The following NLGN1 variants were observed in gnomAD, a reference collection of about 807,000 sequenced individuals.
The protein encoded by NLGN1 is neuroligin-1.
NLGN1 carries 12 observed loss-of-function variants against 65.5 expected under a neutral mutation model. The ratio of observed to expected loss-of-function variants is 0.18; its 90% CI spans 0.12 to 0.30. NLGN1 has a LOEUF of 0.30. Among genes scored for constraint, NLGN1 ranks in the 10% least tolerant of loss-of-function variants. The probability of loss-of-function intolerance (pLI) is 1.00; values close to 1 mark genes in which losing one functional copy is unlikely to be tolerated. For missense variants in NLGN1, 750 were observed against 1,007.1 expected, an observed-to-expected ratio of 0.74 and a Z score of 3.46; for synonymous variants, 350 against 359.5, an observed-to-expected ratio of 0.97 and a Z score of 0.30.
At chr3:173,408,874 T>C (rs781180266) in intron 1 of NLGN1, among the ~76,000 whole-genome samples, 9 of 144,452 alleles carry the variant, frequency 6.2e-5, no homozygotes, top group East Asian at 2.0e-4. Flanking sequence ...ATTGTGCCAC[T>C]GCACTCCAGC....
chr3:173,669,982 G>C (rs1279302190), intron 3 of NLGN1, among the ~76,000 whole-genome samples: 2 of 152,076 alleles, frequency 1.3e-5, no homozygotes, highest in Admixed American at 1.3e-4. Flanking sequence ...AACTTTGTAA[G>C]GAATATGCAT....
At chr3:174,079,371 A>C (rs1030510009) in intron 4 of NLGN1, among the ~76,000 whole-genome samples, 2 of 152,052 alleles carry the variant, frequency 1.3e-5, no homozygotes, top group Non-Finnish European at 2.9e-5. Context: ...TGGTTAAAGA[A>C]ATTTAAAAGT....
chr3:174,273,776 G>T (rs751767792), intron 4 of NLGN1, among the ~76,000 whole-genome samples: 25 of 151,504 alleles, frequency 1.7e-4, no homozygotes, highest in Non-Finnish European at 3.5e-4. Context: ...TAGAATTTTT[G>T]ATCTTGTAGG....
chr3:174,121,023 C>A (rs992694213), intron 4 of NLGN1, among the ~76,000 whole-genome samples: 1 of 152,140 alleles, frequency 6.6e-6, no homozygotes, highest in Non-Finnish European at 1.5e-5. Flanking sequence ...TAGTAGTCTG[C>A]AGCTTTCAAA....
At chr3:173,819,751 T>G (rs1226679311) in intron 4 of NLGN1, among the ~76,000 whole-genome samples, 1 of 152,150 alleles carries the variant, frequency 6.6e-6, no homozygotes, top group Admixed American at 6.5e-5. Flanking sequence ...ACCACCCAAA[T>G]TAAAAAATAT....
chr3:174,140,463 T>G (rs1313212352), intron 4 of NLGN1, among the ~76,000 whole-genome samples: 2 of 152,170 alleles, frequency 1.3e-5, no homozygotes, highest in African/African-American at 4.8e-5. Context: ...ATATGAATTA[T>G]TTTATTCAGT....
At chr3:173,840,952 C>T (rs1392038952) in intron 4 of NLGN1, among the ~76,000 whole-genome samples, 1 of 152,166 alleles carries the variant, frequency 6.6e-6, no homozygotes, top group African/African-American at 2.4e-5. Flanking sequence ...TGTACAACCT[C>T]ATTTCTTCCA....
intron 4 of NLGN1, among the ~76,000 whole-genome samples, chr3:174,106,046 A>G (rs922006837): frequency 5.3e-5 from 8 of 152,166 alleles, no homozygotes; most frequent in Non-Finnish European, 8.8e-5. Flanking sequence ...TACACGAAAC[A>G]TCTTATTCAA....
chr3:173,721,696 A>G (rs1031149956), intron 3 of NLGN1, among the ~76,000 whole-genome samples: 11 of 152,210 alleles, frequency 7.2e-5, no homozygotes, highest in Non-Finnish European at 8.8e-5. Context: ...GACTGGAGAT[A>G]GTAGGGAGTT....
intron 4 of NLGN1, among the ~76,000 whole-genome samples, chr3:174,135,213 T>G (rs1472609258): frequency 6.6e-6 from 1 of 152,182 alleles, no homozygotes; most frequent in Non-Finnish European, 1.5e-5. Context: ...AATCTTTATT[T>G]TAAATAGTTT....
At chr3:173,402,196 A>G (rs1026476017) in intron 1 of NLGN1, among the ~76,000 whole-genome samples, 2 of 152,172 alleles carry the variant, frequency 1.3e-5, no homozygotes, top group African/African-American at 4.8e-5. Flanking sequence ...AGCATGGACT[A>G]TAGTAACTTT....
At chr3:173,451,828 A>G (rs2148849557) in intron 2 of NLGN1, among the ~76,000 whole-genome samples, 1 of 152,312 alleles carries the variant, frequency 6.6e-6, no homozygotes, top group African/African-American at 2.4e-5. Context: ...TAGCATGAGC[A>G]AGGCTCCGTG....
intron 4 of NLGN1, among the ~76,000 whole-genome samples, chr3:173,911,321 A>C (rs1164713032): frequency 6.6e-6 from 1 of 152,206 alleles, no homozygotes; most frequent in Non-Finnish European, 1.5e-5. Context: ...AGGTGAAATA[A>C]ATCTACGTTA....
chr3:173,823,325 A>C (rs1720685940), intron 4 of NLGN1, among the ~76,000 whole-genome samples: 1 of 152,126 alleles, frequency 6.6e-6, no homozygotes, highest in Admixed American at 6.6e-5. Context: ...ACCATGTTAG[A>C]GAAAAGTAAG....
In NLGN1 at chr3:174,044,003, G is replaced by T. The variant is rs116176559; in HGVS notation, c.647-231312G>T. On this transcript the variant is annotated intron_variant, in intron 4 of 6. Coordinates refer to ENST00000457714, the Ensembl canonical transcript of NLGN1. ...TCCCAAACCTCAATTCTTCACTTCT[G>T]CACACCTGCAAACTTAACACCATGA... is the stretch of plus-strand genomic sequence containing the variant. Among the ~76,000 whole-genome samples, 1,163 of 152,282 alleles carry T rather than the reference G, an allele frequency of 7.6e-3. 11 individuals are homozygous for T. The highest frequency in any genetic ancestry group is 0.013 in the Non-Finnish European group (912 of 68,014).
At chr3:173,873,518 TG>T (rs1731567076) in intron 4 of NLGN1, among the ~76,000 whole-genome samples, 1 of 152,198 alleles carries the variant, frequency 6.6e-6, no homozygotes, top group South Asian at 2.1e-4. Flanking sequence ...GACAGAAGCA[TG>T]TGTAATTGTA....
intron 4 of NLGN1, among the ~76,000 whole-genome samples, chr3:174,129,946 C>A (rs559789231): frequency 6.6e-6 from 1 of 152,340 alleles, no homozygotes; most frequent in East Asian, 1.9e-4. Flanking sequence ...TTCATTGAAT[C>A]CAAACTTCTC....
intron 3 of NLGN1, among the ~76,000 whole-genome samples, chr3:173,796,873 A>G (rs1001311256): frequency 6.6e-6 from 1 of 152,180 alleles, no homozygotes; most frequent in African/African-American, 2.4e-5. Flanking sequence ...ATTTACAGGA[A>G]TAGAGTGTCT....
At chr3:174,047,645 G>C (rs1733913344) in intron 4 of NLGN1, among the ~76,000 whole-genome samples, 1 of 151,858 alleles carries the variant, frequency 6.6e-6, no homozygotes, top group Non-Finnish European at 1.5e-5. Context: ...CCTACATACA[G>C]ATACACATAG....
Sources: allele counts gnomAD v4.1 joint callset (sites outside exome capture counted in the v4.1 genomes callset), GRCh38; gene constraint gnomAD v4.1.1; transcripts MANE v1.5; gene names NCBI Gene and HGNC (gene_info 2026-07-23, HGNC 2026-07-21).